MAIP1: variants seen among roughly 807,000 people sequenced by gnomAD.
The protein encoded by MAIP1 is matrix AAA peptidase interacting protein 1, also known as m-AAA protease-interacting protein 1, mitochondrial.
In MAIP1, 28 loss-of-function variants were observed where a neutral mutation model predicts 31.2. The observed-to-expected ratio is 0.90, with a 90% CI of 0.67 to 1.23. The LOEUF (loss-of-function observed/expected upper bound fraction) is 1.23, where lower values mean the gene tolerates loss of function less well. Ranked by LOEUF, MAIP1 falls within the 50% of genes most tolerant of loss-of-function variation. The probability of loss-of-function intolerance (pLI) is 0.00; values close to 1 mark genes in which losing one functional copy is unlikely to be tolerated. For missense variants in MAIP1, 339 were observed against 356.0 expected (o/e 0.95, Z 0.38); for synonymous variants, 142 against 142.3 (o/e 1.00, Z 0.02).
chr2:199,956,970 C>A, intron 1 of MAIP1, among the ~76,000 whole-genome samples: 1 of 150,890 alleles, frequency 6.6e-6, no homozygotes, highest in East Asian at 1.9e-4. Context: ...GCTGATTATA[C>A]CTTGCCTTAC....
chr2:199,959,232 A>G (rs1231166722), intron 1 of MAIP1, 36 bp from the exon 2 acceptor site: 1 of 1,086,174 alleles, frequency 9.2e-7, no homozygotes, highest in East Asian at 2.4e-5. Context: ...ATTTTGAAAT[A>G]ATAATCCCCA....
In MAIP1 at chr2:199,956,233, C is replaced by CA; in HGVS notation, c.435_436insA (p.Glu146ArgfsTer18). ...AAGAGTTCAGCATCACAGAGTTCTC[C>CA]GAGGGAGCGAAGCAGGTTTGTTTAT... is the stretch of plus-strand genomic sequence containing the variant. On this transcript the variant is annotated frameshift_variant, in exon 1 of 5. Coordinates refer to ENST00000392290, the MANE Select transcript of MAIP1 (RefSeq NM_001394955.1). LOFTEE classifies it high-confidence loss of function. The CA allele has an allele frequency of 6.2e-7, 1 of 1,611,708 alleles. No homozygotes were observed.
chr2:199,955,512 G>A (rs749339771), upstream of MAIP1: 2 of 1,601,870 alleles, frequency 1.2e-6, no homozygotes, highest in East Asian at 2.3e-5. Flanking sequence ...CGGAACTTCG[G>A]CTCTAAAGCG....
chr2:199,961,901 C>G lies in MAIP1; in HGVS notation c.770C>G (p.Thr257Ser), dbSNP rs2077638855. The G allele has an allele frequency of 6.2e-7, 1 of 1,613,116 alleles. No homozygotes were observed. Residue 257 changes from threonine to serine, a missense_variant, in exon 4 of 5, where the codon ACT (threonine) becomes AGT (serine). Coordinates refer to ENST00000392290, the MANE Select transcript of MAIP1 (RefSeq NM_001394955.1). ...QVKLGNQNVE[T>S]KQLLSASYEF... is the part of the protein sequence containing the mutation. ...AAGTTGGGGAATCAGAATGTGGAAA[C>G]TAAACAACTTCTTAGTGCAAGCTAT...
chr2:199,957,204 G>T (rs538038975), intron 1 of MAIP1, among the ~76,000 whole-genome samples: 1 of 152,268 alleles, frequency 6.6e-6, no homozygotes, highest in Admixed American at 6.5e-5. Flanking sequence ...TTCGAGACCA[G>T]CCTGGCCAAT....
At chr2:199,956,529 C>G (rs1339734814) in intron 1 of MAIP1, among the ~76,000 whole-genome samples, 1 of 152,106 alleles carries the variant, frequency 6.6e-6, no homozygotes, top group Non-Finnish European at 1.5e-5. Context: ...CCATTGCACT[C>G]CAGCCTGGGA....
At chr2:199,963,002 A>G (rs1022607690) in intron 4 of MAIP1, among the ~76,000 whole-genome samples, 2 of 152,198 alleles carry the variant, frequency 1.3e-5, no homozygotes, top group African/African-American at 4.8e-5. Flanking sequence ...ATTCTGTTTT[A>G]CTAAGGTAAA....
rs527943270 is a variant in MAIP1 at position 199,956,073 on chromosome 2, C to T, written c.275C>T (p.Pro92Leu). 1.9e-6 allele frequency: 3 copies of T among 1,613,706 alleles called. No individual in the cohort carries two copies. The highest frequency in any genetic ancestry group is 1.3e-5 in the African/African-American group (1 of 75,052). The change falls in exon 1 of 5, where the codon CCT (proline) becomes CTT (leucine). Residue 92 changes from proline (P) to leucine (L), a missense_variant. Physicochemically the swap from Pro to Leu is moderately conservative, Grantham distance 98. Coordinates refer to ENST00000392290, the MANE Select transcript of MAIP1 (RefSeq NM_001394955.1). Reference protein sequence around the residue: ...PAAFASFPACPQRSYSTEEKP... With the variant: ...PAAFASFPACLQRSYSTEEKP... ...GCCTTCGCTTCTTTCCCTGCCTGCC[C>T]TCAGCGCAGCTACAGCACGGAGGAG... is the stretch of plus-strand genomic sequence containing the variant.
At chr2:199,956,272 C>A in intron 1 of MAIP1, 24 bp downstream of exon 1, 1 of 1,553,110 alleles carries the variant, frequency 6.4e-7, no homozygotes. Context: ...CCTGATTGAC[C>A]TATCCGTCTC....
rs114187972 is a variant in MAIP1 at position 199,960,019 on chromosome 2, A to C, written c.649+139A>C. The stretch of plus-strand genomic sequence containing the variant: ...AAAGAAAATGTTATATCCATTCTTT[A>C]AAGACCTACTTCTGAAAGAGTTGAG... On this transcript the variant is annotated intron_variant, in intron 3 of 4. Transcript: ENST00000392290. The C allele has an allele frequency of 1.6e-3, 1,237 of 771,306 alleles. 14 individuals are homozygous for C. The African/African-American group carries it at 0.019, about 12-fold the overall frequency. The allele number at this position is 771,306 out of a possible 1,614,324, so 47.8% of individuals were successfully genotyped here. A position where few individuals can be genotyped will look rare whatever the true frequency, so the allele number is the denominator to read the frequency against.
intron 4 of MAIP1, among the ~76,000 whole-genome samples, chr2:199,963,440 G>T (rs2077646602): frequency 6.6e-6 from 1 of 152,072 alleles, no homozygotes; most frequent in African/African-American, 2.4e-5. Flanking sequence ...CTAGCTATAT[G>T]TGTTATTTAT....
At chr2:199,955,323 C>T (rs2077588045), upstream of MAIP1, 15 of 1,551,252 alleles carry the variant, frequency 9.7e-6, no homozygotes, top group South Asian at 1.6e-4. Flanking sequence ...AACCAGTTCC[C>T]AGCTGTCCGA....
intron 3 of MAIP1, 126 bp downstream of exon 3, chr2:199,960,006 A>G: frequency 1.1e-6 from 1 of 870,626 alleles, no homozygotes; most frequent in Non-Finnish European, 1.7e-6. Context: ...AGAAAATGTT[A>G]TATCCATTCT....
In MAIP1 at chr2:199,963,956, G is replaced by C. The variant is rs894396609; in HGVS notation, c.*145G>C. ...TTGAAATACTCCTTGCAGTATATTG[G>C]CATGATACAGTAAAAGCATTTTCCA... On this transcript the variant is annotated 3_prime_UTR_variant, in exon 5 of 5. Transcript: ENST00000392290. 8.3e-6 allele frequency: 4 copies of C among 481,434 alleles called. No individual in the cohort carries two copies. The highest frequency in any genetic ancestry group is 7.9e-5 in the African/African-American group (4 of 50,908). The allele number at this position is 481,434 out of a possible 1,614,324, so 29.8% of individuals were successfully genotyped here.
intron 1 of MAIP1, among the ~76,000 whole-genome samples, chr2:199,958,629 T>G (rs2077620649): frequency 6.6e-6 from 1 of 152,198 alleles, no homozygotes; most frequent in East Asian, 1.9e-4. Flanking sequence ...TTACTTGTCC[T>G]TTTCCCATGT....
Position 199,963,778 on chromosome 2 carries a change from T to G in MAIP1, c.843T>G (p.Ile281Met), listed in dbSNP as rs1385058236. The change falls in exon 5 of 5, where the codon ATT becomes ATG. Residue 281 changes from isoleucine (I) to methionine (M), a missense_variant. Physicochemically the swap from Ile to Met is conservative, Grantham distance 10. Coordinates refer to ENST00000392290, the MANE Select transcript of MAIP1 (RefSeq NM_001394955.1). ...FTQGVKPDWTIARIEHSKLLE is the reference protein window; with the variant it reads ...FTQGVKPDWTMARIEHSKLLE ...AAGGAGTAAAGCCTGACTGGACCAT[T>G]GCACGGATTGAACACTCAAAATTAT... 3.7e-6 allele frequency: 6 copies of G among 1,609,962 alleles called. No individual in the cohort carries two copies. Among genetic ancestry groups the G allele is most frequent in the Non-Finnish European group, 5.1e-6 (6 of 1,176,742 alleles).
intron 1 of MAIP1, 24 bp downstream of exon 1, chr2:199,956,272 C>T (rs767504085): frequency 1.9e-6 from 3 of 1,552,998 alleles, no homozygotes; most frequent in African/African-American, 2.7e-5. Context: ...CCTGATTGAC[C>T]TATCCGTCTC....
chr2:199,958,530 T>G (rs868184947), intron 1 of MAIP1, among the ~76,000 whole-genome samples: 1 of 152,194 alleles, frequency 6.6e-6, no homozygotes, highest in South Asian at 2.1e-4. Context: ...AAGCCCTCTC[T>G]GATCCTCCCA....
Position 199,961,892 on chromosome 2 carries a change from A to G in MAIP1, c.761A>G (p.Asn254Ser), listed in dbSNP as rs2077638824. 6.2e-7 allele frequency: 1 copy of G among 1,613,718 alleles called. No homozygotes were observed. Among genetic ancestry groups the G allele is most frequent in the African/African-American group, 1.3e-5 (1 of 74,934 alleles). The change falls in exon 4 of 5, where the codon AAT becomes AGT. Residue 254 changes from asparagine (N) to serine (S), a missense_variant. Asn to Ser is a conservative substitution (Grantham distance 46). Transcript: ENST00000392290. ...TTCCAGGTTAAGTTGGGGAATCAGA[A>G]TGTGGAAACTAAACAACTTCTTAGT... The part of the protein sequence containing the change: ...SVFQVKLGNQ[N>S]VETKQLLSAS...
Sources: gnomAD v4.1 joint callset for allele counts (sites outside exome capture counted in the v4.1 genomes callset) on GRCh38, gnomAD v4.1.1 for gene constraint, MANE v1.5 for transcripts, NCBI Gene and HGNC (gene_info 2026-07-23, HGNC 2026-07-21) for gene names.